The following MS4A3 variants were observed in gnomAD, a reference collection of about 807,000 sequenced individuals.
MS4A3 encodes the protein membrane spanning 4-domains A3.
A neutral mutation model predicts 24.7 loss-of-function variants in MS4A3; 18 were observed. The observed-to-expected ratio is 0.73, with a 90% CI of 0.50 to 1.08. The LOEUF (loss-of-function observed/expected upper bound fraction) is 1.08, where lower values mean the gene tolerates loss of function less well. Among genes scored for constraint, MS4A3 ranks in the 50% least tolerant of loss-of-function variants. The pLI, the probability that MS4A3 is intolerant of heterozygous loss-of-function variation, is 0.00. For missense variants in MS4A3, 282 were observed against 251.7 expected (o/e 1.12, Z -0.82); for synonymous variants, 84 against 95.3 (o/e 0.88, Z 0.69).
At chr11:60,059,009 C>T (rs533057528) in intron 1 of MS4A3, among the ~76,000 whole-genome samples, 4 of 152,204 alleles carry the variant, frequency 2.6e-5, no homozygotes, top group African/African-American at 9.6e-5. Context: ...CACATTTATC[C>T]ATACTTAAAT....
chr11:60,069,191 A>G (rs1442629932), intron 5 of MS4A3, among the ~76,000 whole-genome samples: 1 of 152,172 alleles, frequency 6.6e-6, no homozygotes, highest in Non-Finnish European at 1.5e-5. Flanking sequence ...ACCCCTATGA[A>G]GTGCTAATGA....
chr11:60,062,973 T>G lies in MS4A3; in HGVS notation c.294+368T>G, dbSNP rs886921920. Among the ~76,000 whole-genome samples, 5 of 152,050 alleles carry G rather than the reference T, an allele frequency of 3.3e-5. No homozygotes were observed. The East Asian group carries it at 9.7e-4, about 30-fold the overall frequency. On this transcript the variant is annotated intron_variant, in intron 3 of 6. Coordinates refer to ENST00000278865, the MANE Select transcript of MS4A3 (RefSeq NM_006138.5). ...TGCCCACCTAATTTTTGTTTTTGTATTTTTAGTAGAGACAGGGATTCACCA... is the reference window on the plus strand; with the variant it reads ...TGCCCACCTAATTTTTGTTTTTGTAGTTTTAGTAGAGACAGGGATTCACCA...
At position 60,068,308 on chromosome 11, in the gene MS4A3, C is replaced by T. The variant is rs577639121; in HGVS notation, c.513+1196C>T. On this transcript the variant is annotated intron_variant, in intron 5 of 6. Transcript: ENST00000278865. ...AGGCTGGAGTGCAGTGGCGCCATCT[C>T]GGCTCACTGCAAGCTCCGCCTCCTG... Among the ~76,000 whole-genome samples the T allele has an allele frequency of 1.4e-4, 20 of 138,132 alleles. No individual in the cohort carries two copies. The South Asian group carries it at 2.8e-3, about 19-fold the overall frequency. The allele number at this position is 138,132 out of a possible 152,430, so 90.6% of individuals were successfully genotyped here.
At chr11:60,065,987 G>C (rs975259540) in intron 4 of MS4A3, among the ~76,000 whole-genome samples, 1 of 152,160 alleles carries the variant, frequency 6.6e-6, no homozygotes, top group African/African-American at 2.4e-5. Context: ...CTGATCATCA[G>C]ACTGGCATGT....
chr11:60,066,974 C>T lies in MS4A3; in HGVS notation c.375C>T (p.Asn125=). 6.8e-6 allele frequency: 11 copies of T among 1,606,658 alleles called. No homozygotes were observed. The highest frequency in any genetic ancestry group is 9.3e-6 in the Non-Finnish European group (11 of 1,178,462). ...AGATACAGAACAGTTTTGGAATGAA[C>T]ATTGCCAGTGCTACAATTGCACTAG... ...RTWIQNSFGM[N]IASATIALVG... is the part of the protein sequence containing the mutation. The change falls in exon 5 of 7, where the codon AAC becomes AAT. Residue 125 remains asparagine, a synonymous_variant. Coordinates refer to ENST00000278865, the MANE Select transcript of MS4A3 (RefSeq NM_006138.5).
intron 1 of MS4A3, among the ~76,000 whole-genome samples, chr11:60,057,551 C>T (rs1373696461): frequency 6.6e-6 from 1 of 152,020 alleles, no homozygotes; most frequent in South Asian, 2.1e-4. Context: ...ATTACAGGCG[C>T]GTGCTGTCAC....
In MS4A3 at chr11:60,066,980, C is replaced by T. The variant is rs761766828; in HGVS notation, c.381C>T (p.Ala127=). 2.5e-6 allele frequency: 4 copies of T among 1,607,396 alleles called. No individual in the cohort carries two copies. The South Asian group carries it at 4.4e-5, about 18-fold the overall frequency. ...AGAACAGTTTTGGAATGAACATTGC[C>T]AGTGCTACAATTGCACTAGTGGGGA... ...WIQNSFGMNI[A]SATIALVGTA... The change falls in exon 5 of 7, where the codon GCC becomes GCT. Residue 127 remains alanine, a synonymous_variant. Transcript: ENST00000278865.
intron 4 of MS4A3, among the ~76,000 whole-genome samples, chr11:60,064,587 T>A (rs1037784644): frequency 6.6e-6 from 1 of 152,190 alleles, no homozygotes; most frequent in African/African-American, 2.4e-5. Flanking sequence ...GTTTGACCAA[T>A]TCTAATTATT....
At chr11:60,061,854 TTAA>T (rs1217655509) in intron 2 of MS4A3, among the ~76,000 whole-genome samples, 2 of 152,202 alleles carry the variant, frequency 1.3e-5, no homozygotes, top group Admixed American at 6.5e-5. Context: ...TATCACTGAC[TTAA>T]TAATGATTGG....
intron 1 of MS4A3, among the ~76,000 whole-genome samples, chr11:60,057,195 G>A (rs1242774171): frequency 6.6e-6 from 1 of 152,122 alleles, no homozygotes; most frequent in Non-Finnish European, 1.5e-5. Flanking sequence ...GCTTGGGAAA[G>A]CTACTTAACT....
intron 3 of MS4A3, 101 bp downstream of exon 3, chr11:60,062,706 G>T: frequency 1.5e-6 from 2 of 1,318,226 alleles, no homozygotes; most frequent in Non-Finnish European, 2.0e-6. Context: ...TTGGAAGGTT[G>T]CATGCTGTGG....
In MS4A3 at chr11:60,062,534, C is replaced by A; in HGVS notation, c.223C>A (p.Pro75Thr). 2.5e-6 allele frequency: 4 copies of A among 1,614,038 alleles called. No individual in the cohort carries two copies. The highest frequency in any genetic ancestry group is 2.5e-6 in the Non-Finnish European group (3 of 1,179,984). The stretch of plus-strand genomic sequence containing the variant: ...TGTCTTTCTGGGTTCCTTGCAATAC[C>A]CATACCACTTCCAAAAGCACTTCTT... ...LGVFLGSLQY[P>T]YHFQKHFFFF... Residue 75 changes from proline (P) to threonine (T), a missense_variant, in exon 3 of 7, where the codon CCA becomes ACA. By Grantham distance (38) the Pro-to-Thr change is conservative. Coordinates refer to ENST00000278865, the MANE Select transcript of MS4A3 (RefSeq NM_006138.5).
chr11:60,063,566 G>A (rs1238965562), intron 3 of MS4A3, among the ~76,000 whole-genome samples: 1 of 152,066 alleles, frequency 6.6e-6, no homozygotes, highest in Non-Finnish European at 1.5e-5. Flanking sequence ...TTAGTCCTTT[G>A]TTAGATGTAT....
At chr11:60,068,238 CTTTT>C (rs71456407) in intron 5 of MS4A3, among the ~76,000 whole-genome samples, 1 of 103,914 alleles carries the variant, frequency 9.6e-6, no homozygotes, top group Non-Finnish European at 1.8e-5. Flanking sequence ...ATAACCTTAC[CTTTT>C]TTTTTTTTTT....
chr11:60,069,403 A>G, intron 5 of MS4A3, 171 bp from the exon 6 acceptor site: 1 of 487,522 alleles, frequency 2.1e-6, no homozygotes, highest in Non-Finnish European at 3.7e-6. Flanking sequence ...ATGCTTTTAG[A>G]TTGAGATACT....
At chr11:60,062,370 G>T in intron 2 of MS4A3, 98 bp from the exon 3 acceptor site, 1 of 1,431,750 alleles carries the variant, frequency 7.0e-7, no homozygotes. Context: ...ACCATTTCAA[G>T]CACCGACATC....
At position 60,065,755 on chromosome 11, in the gene MS4A3, T is replaced by G. The variant is rs557451431; in HGVS notation, c.352-1196T>G. On this transcript the variant is annotated intron_variant, in intron 4 of 6. Transcript: ENST00000278865. ...CTTCCAGCATACATTGCTTGGCTGG[T>G]TTTCCTCCCATCTTTTGCTTTCTCC... 2.0e-5 allele frequency among the ~76,000 whole-genome samples: 3 copies of G among 152,256 alleles called. No individual in the cohort carries two copies. The South Asian group carries it at 6.2e-4, about 32-fold the overall frequency.
chr11:60,070,179 A>G (rs1855452274), intron 6 of MS4A3, 25 bp from the exon 7 acceptor site: 3 of 1,582,046 alleles, frequency 1.9e-6, no homozygotes, highest in South Asian at 1.1e-5. Flanking sequence ...CTGTTCTTGG[A>G]CATTAATGTT....
At chr11:60,064,126 C>T in intron 3 of MS4A3, 136 bp from the exon 4 acceptor site, 3 of 383,458 alleles carry the variant, frequency 7.8e-6, no homozygotes, top group Non-Finnish European at 1.4e-5. Flanking sequence ...AAGTACAATT[C>T]TGTGTCCTAG....
Sources: allele counts gnomAD v4.1 joint callset (sites outside exome capture counted in the v4.1 genomes callset), GRCh38; gene constraint gnomAD v4.1.1; transcripts MANE v1.5; gene names NCBI Gene and HGNC (gene_info 2026-07-23, HGNC 2026-07-21).